The following DRICH1 variants were observed in gnomAD, a reference collection of about 807,000 sequenced individuals.
DRICH1 encodes the protein aspartate-rich protein 1.
Under a neutral mutation model 39.5 loss-of-function variants are expected in DRICH1, and 38 were observed. That is an observed-to-expected ratio of 0.96 (90% confidence interval 0.74 to 1.26). DRICH1 has a LOEUF of 1.26. DRICH1 is among the 50% of genes most tolerant of loss of function. The probability of loss-of-function intolerance (pLI) is 0.00; values close to 1 mark genes in which losing one functional copy is unlikely to be tolerated. For synonymous variants in DRICH1, 84 were observed against 99.5 expected (o/e 0.84, Z 0.93); for missense variants, 279 against 270.4 (o/e 1.03, Z -0.22).
chr22:23,596,461 G>A, the DRICH1 span, among the ~76,000 whole-genome samples: 1 of 151,910 alleles, frequency 6.6e-6, no homozygotes, highest in Non-Finnish European at 1.5e-5. Flanking sequence ...TCATTTTGTC[G>A]CCCAGGCTGG....
chr22:23,623,110 A>G (rs1927863147), intron 3 of DRICH1, among the ~76,000 whole-genome samples: 1 of 152,222 alleles, frequency 6.6e-6, no homozygotes, highest in South Asian at 2.1e-4. Flanking sequence ...TTGGTACAAG[A>G]TATCACAAAT....
Position 23,632,193 on chromosome 22 carries a change from G to C in DRICH1, c.-170C>G. The stretch of plus-strand genomic sequence containing the variant: ...CTGCCGCCACCTCCCAAACTAGCTG[G>C]TCTATGAGGTCAGGGACCTGCTGTC... On this transcript the variant is annotated 5_prime_UTR_variant, in exon 1 of 12. Transcript: ENST00000317749. 9.1e-7 allele frequency: 1 copy of C among 1,094,214 alleles called. No homozygotes were observed. Among genetic ancestry groups the C allele is most frequent in the Non-Finnish European group, 1.3e-6 (1 of 780,308 alleles). 67.8% of individuals were successfully genotyped at this position (1,094,214 alleles called of 1,614,324 possible).
intron 1 of DRICH1, among the ~76,000 whole-genome samples, chr22:23,628,485 T>G (rs1928202713): frequency 6.6e-6 from 1 of 151,702 alleles, no homozygotes; most frequent in African/African-American, 2.4e-5. Context: ...CAGAATCAGT[T>G]GAACTTGGGA....
At chr22:23,589,908 C>T in the DRICH1 span, among the ~76,000 whole-genome samples, 15 of 152,284 alleles carry the variant, frequency 9.9e-5, no homozygotes, top group African/African-American at 3.1e-4. Context: ...GAAGGGACCC[C>T]GAGGCTCTCA....
chr22:23,592,458 G>A, the DRICH1 span, among the ~76,000 whole-genome samples: 1 of 152,084 alleles, frequency 6.6e-6, no homozygotes, highest in African/African-American at 2.4e-5. Context: ...GGCTTAAGAG[G>A]AGAAAAGGAC....
At chr22:23,624,264 A>G in intron 3 of DRICH1, 1 of 985,404 alleles carries the variant, frequency 1.0e-6, no homozygotes, top group South Asian at 4.7e-5. Flanking sequence ...CCCAAACCAC[A>G]GGCTCTGAGA....
At chr22:23,618,156 C>T (rs1927485473) in intron 6 of DRICH1, among the ~76,000 whole-genome samples, 1 of 149,858 alleles carries the variant, frequency 6.7e-6, no homozygotes, top group South Asian at 2.1e-4. Context: ...CTCTGTCCCC[C>T]AGGTTGGAGT....
chr22:23,631,373 G>C (rs1232164881), intron 1 of DRICH1, among the ~76,000 whole-genome samples: 1 of 151,484 alleles, frequency 6.6e-6, no homozygotes, highest in Non-Finnish European at 1.5e-5. Flanking sequence ...CTGAGATCCC[G>C]CCACTGCACT....
the DRICH1 span, among the ~76,000 whole-genome samples, chr22:23,587,469 C>A: frequency 6.6e-6 from 1 of 152,200 alleles, no homozygotes; most frequent in African/African-American, 2.4e-5. Flanking sequence ...AAGCCTTCTC[C>A]ATCATCCAGG....
chr22:23,606,045 G>A (rs550278748), downstream of DRICH1, among the ~76,000 whole-genome samples: 35 of 145,778 alleles, frequency 2.4e-4, no homozygotes, highest in South Asian at 1.1e-3. Context: ...CTGCACTCCC[G>A]CCTCAAAAAA....
downstream of DRICH1, among the ~76,000 whole-genome samples, chr22:23,604,975 G>A (rs890796444): frequency 6.6e-6 from 1 of 152,048 alleles, no homozygotes; most frequent in Non-Finnish European, 1.5e-5. Flanking sequence ...ACTGCATTTG[G>A]TGCAATTGTC....
rs376859913 is a variant in DRICH1 at position 23,632,011 on chromosome 22, G to T, written c.13C>A (p.Leu5Met). The T allele has an allele frequency of 1.9e-6, 3 of 1,613,132 alleles. No homozygotes were observed. Among genetic ancestry groups the T allele is most frequent in the Admixed American group, 3.3e-5 (2 of 59,998 alleles). Residue 5 changes from leucine (L) to methionine (M), a missense_variant, in exon 1 of 12, where the codon CTG becomes ATG. Physicochemically the swap from Leu to Met is conservative, Grantham distance 15. Transcript: ENST00000317749. ...CAGTGGGAGTTGATACAACAGGTCA[G>T]TATATTCCCCATGGGGCCTCTCCAT... is the stretch of plus-strand genomic sequence containing the variant. MGNI[L>M]TCCINSHCGW...
At chr22:23,586,115 G>A in the DRICH1 span, among the ~76,000 whole-genome samples, 3 of 152,138 alleles carry the variant, frequency 2.0e-5, no homozygotes, top group African/African-American at 7.2e-5. Flanking sequence ...CTCCCTCAGG[G>A]ACTGTGAATT....
intron 1 of DRICH1, among the ~76,000 whole-genome samples, chr22:23,628,504 T>C (rs1034136009): frequency 3.3e-5 from 5 of 152,102 alleles, no homozygotes; most frequent in African/African-American, 1.2e-4. Context: ...GAGGTGGACG[T>C]TGCAGTGAGC....
the DRICH1 span, among the ~76,000 whole-genome samples, chr22:23,594,668 C>T: frequency 6.7e-6 from 1 of 150,048 alleles, no homozygotes; most frequent in African/African-American, 2.5e-5. Flanking sequence ...GACAGTCATT[C>T]ATCCACTCTG....
chr22:23,609,103 A>C (rs1366397006), intron 11 of DRICH1, among the ~76,000 whole-genome samples: 1 of 152,176 alleles, frequency 6.6e-6, no homozygotes, highest in Non-Finnish European at 1.5e-5. Context: ...GGAAGAGGCA[A>C]CTGGTCATTC....
intron 1 of DRICH1, among the ~76,000 whole-genome samples, chr22:23,631,342 G>A (rs1928371245): frequency 6.6e-6 from 1 of 151,916 alleles, no homozygotes; most frequent in Admixed American, 6.6e-5. Context: ...CTTGAACCCA[G>A]GAGGCAGAGG....
downstream of DRICH1, chr22:23,608,177 G>C (rs1926839933): frequency 6.5e-6 from 1 of 154,052 alleles, no homozygotes; most frequent in Non-Finnish European, 1.5e-5. Context: ...GGACGCACAA[G>C]CCATCAGCCT....
At chr22:23,614,917 G>C (rs1157985183) in intron 8 of DRICH1, among the ~76,000 whole-genome samples, 1 of 152,168 alleles carries the variant, frequency 6.6e-6, no homozygotes, top group Non-Finnish European at 1.5e-5. Context: ...CAGTGAAGCT[G>C]AGAGACGTGA....
Sources: gnomAD v4.1 joint callset for allele counts (sites outside exome capture counted in the v4.1 genomes callset) on GRCh38, gnomAD v4.1.1 for gene constraint, MANE v1.5 for transcripts, NCBI Gene and HGNC (gene_info 2026-07-23, HGNC 2026-07-21) for gene names.